CLVS1: variants seen among roughly 807,000 people sequenced by gnomAD.
The protein encoded by CLVS1 is clavesin 1.
Under a neutral mutation model 33.1 loss-of-function variants are expected in CLVS1, and 10 were observed. The observed-to-expected ratio is 0.30, with a 90% confidence interval of 0.19 to 0.51. CLVS1 has a LOEUF of 0.51. Ranked by LOEUF, CLVS1 falls within the 20% of genes least tolerant of loss-of-function variation. The pLI is 0.97. For synonymous variants in CLVS1, 163 were observed against 166.1 expected (o/e 0.98, Z 0.14); for missense variants, 343 against 433.4 (o/e 0.79, Z 1.85).
In CLVS1 at chr8:61,469,052, TA is replaced by T. The variant is rs151163875; in HGVS notation, c.977+10512del. On this transcript the variant is annotated intron_variant, in intron 5 of 5. Transcript: ENST00000325897. ...CTCGAAGAATCATGCAGAGGTCTTC[TA>T]ATGTGGGCAGAATCCCAGGAGAGAG... 7.6e-3 allele frequency among the ~76,000 whole-genome samples: 1,155 copies of T among 152,280 alleles called. 7 individuals carry two copies. The highest frequency in any genetic ancestry group is 0.013 in the Non-Finnish European group (868 of 68,016).
intron 2 of CLVS1, among the ~76,000 whole-genome samples, chr8:61,235,749 T>G (rs963047554): frequency 6.6e-6 from 1 of 152,186 alleles, no homozygotes; most frequent in African/African-American, 2.4e-5. Flanking sequence ...GGTTAATATA[T>G]GAATGCCTTG....
chr8:61,031,748 C>T, the CLVS1 span, among the ~76,000 whole-genome samples: 2 of 152,074 alleles, frequency 1.3e-5, no homozygotes, highest in African/African-American at 2.4e-5. Flanking sequence ...GGGGACAAGG[C>T]GATGAGTGGC....
chr8:61,003,121 C>T, the CLVS1 span, among the ~76,000 whole-genome samples: 1 of 152,106 alleles, frequency 6.6e-6, no homozygotes, highest in Non-Finnish European at 1.5e-5. Context: ...TGAGTAACTT[C>T]TAGAGGGACT....
chr8:61,276,349 T>A (rs775516294), intron 2 of CLVS1, among the ~76,000 whole-genome samples: 15 of 152,254 alleles, frequency 9.9e-5, no homozygotes, highest in Non-Finnish European at 1.9e-4. Flanking sequence ...CTTTTCCCCT[T>A]TGCTTGTTCT....
intron 2 of CLVS1, among the ~76,000 whole-genome samples, chr8:61,205,483 A>C (rs1807821262): frequency 6.6e-6 from 1 of 152,116 alleles, no homozygotes; most frequent in African/African-American, 2.4e-5. Flanking sequence ...TGTATGCTAC[A>C]TTTTGTTTAT....
At chr8:61,261,975 CGTGTGTGTGTGTGTGTGT>C (rs57278209) in intron 2 of CLVS1, among the ~76,000 whole-genome samples, 2,385 of 111,028 alleles carry the variant, frequency 0.021, 78 homozygotes, top group African/African-American at 0.076. Flanking sequence ...CTCATTGCTG[CGTGTGTGTGTGTGTGTGT>C]GTGTGTGTGT....
At chr8:61,309,346 A>G (rs1810752424) in intron 2 of CLVS1, among the ~76,000 whole-genome samples, 1 of 152,242 alleles carries the variant, frequency 6.6e-6, no homozygotes, top group Admixed American at 6.5e-5. Context: ...AAATGGTTAC[A>G]GTCATCTGTC....
intron 2 of CLVS1, among the ~76,000 whole-genome samples, chr8:61,204,634 C>A (rs1162495483): frequency 6.6e-6 from 1 of 152,138 alleles, no homozygotes; most frequent in Non-Finnish European, 1.5e-5. Context: ...AAAAGAATTT[C>A]ATAGAACAAA....
At chr8:61,496,321 G>C (rs1365922981) in intron 5 of CLVS1, among the ~76,000 whole-genome samples, 2 of 152,186 alleles carry the variant, frequency 1.3e-5, no homozygotes, top group Admixed American at 1.3e-4. Flanking sequence ...GTAGGTCAAA[G>C]CAGGAAGGCA....
intron 1 of CLVS1, among the ~76,000 whole-genome samples, chr8:61,093,841 C>G (rs1295435646): frequency 6.6e-6 from 1 of 152,232 alleles, no homozygotes; most frequent in Non-Finnish European, 1.5e-5. Flanking sequence ...CATCAGGTGT[C>G]ACAACTACTA....
chr8:61,382,590 C>G (rs1025194629), intron 3 of CLVS1, among the ~76,000 whole-genome samples: 25 of 152,180 alleles, frequency 1.6e-4, no homozygotes, highest in African/African-American at 5.3e-4. Context: ...AGAAGCCCTG[C>G]CCTAACACAT....
chr8:61,455,368 C>A (rs141230667), intron 4 of CLVS1, among the ~76,000 whole-genome samples: 2 of 152,112 alleles, frequency 1.3e-5, no homozygotes, highest in South Asian at 4.1e-4. Flanking sequence ...CCATTTCCCC[C>A]TACTCTCAGC....
chr8:61,491,521 T>G (rs1464295483), intron 5 of CLVS1, among the ~76,000 whole-genome samples: 1 of 152,224 alleles, frequency 6.6e-6, no homozygotes, highest in Non-Finnish European at 1.5e-5. Flanking sequence ...CTGAAGCTTT[T>G]TAAATAAGAA....
chr8:61,359,891 G>T (rs942361797), intron 2 of CLVS1, among the ~76,000 whole-genome samples: 1 of 152,148 alleles, frequency 6.6e-6, no homozygotes, highest in Admixed American at 6.5e-5. Flanking sequence ...CACATGTCCT[G>T]CCTGGCGTTC....
Position 61,499,454 on chromosome 8 carries a change from G to T in CLVS1, c.978-1G>T. 6.2e-7 allele frequency: 1 copy of T among 1,609,768 alleles called. No homozygotes were observed. Among genetic ancestry groups the T allele is most frequent in the South Asian group, 1.1e-5 (1 of 90,958 alleles). On this transcript the variant is annotated splice_acceptor_variant, in intron 5 of 5. Coordinates refer to ENST00000325897, the MANE Select transcript of CLVS1 (RefSeq NM_173519.3). LOFTEE classifies it high-confidence loss of function. ...TGTCTTTTTCCCTCCCCTCTTGTTA[G>T]ATCTCAGTCTGTGGTAGAAGCTGGG... is the stretch of plus-strand genomic sequence containing the variant.
intron 2 of CLVS1, among the ~76,000 whole-genome samples, chr8:61,335,539 G>A (rs1407489300): frequency 6.6e-6 from 1 of 152,166 alleles, no homozygotes; most frequent in Non-Finnish European, 1.5e-5. Context: ...CCAAGCTTAT[G>A]CACAAGTGGA....
At chr8:61,218,077 T>A (rs1383471289) in intron 2 of CLVS1, among the ~76,000 whole-genome samples, 4 of 151,600 alleles carry the variant, frequency 2.6e-5, no homozygotes, top group Non-Finnish European at 4.4e-5. Flanking sequence ...ACAGCCACTA[T>A]GGAGAACAGT....
upstream of CLVS1, among the ~76,000 whole-genome samples, chr8:61,054,943 T>C (rs570143719): frequency 6.6e-6 from 1 of 152,290 alleles, no homozygotes; most frequent in Non-Finnish European, 1.5e-5. Flanking sequence ...ATCCCTTTTG[T>C]CCAAAATCAT....
intron 4 of CLVS1, among the ~76,000 whole-genome samples, chr8:61,455,966 A>G (rs1402097230): frequency 6.6e-6 from 1 of 152,246 alleles, no homozygotes; most frequent in African/African-American, 2.4e-5. Context: ...CTGGGATCAC[A>G]AGACAGAAAT....
Sources: gnomAD v4.1 joint callset for allele counts (sites outside exome capture counted in the v4.1 genomes callset) on GRCh38, gnomAD v4.1.1 for gene constraint, MANE v1.5 for transcripts, NCBI Gene and HGNC (gene_info 2026-07-23, HGNC 2026-07-21) for gene names.